Variants in PPEF2 observed in about 807,000 individuals in gnomAD.
The protein encoded by PPEF2 is serine/threonine-protein phosphatase with EF-hands 2.
In PPEF2, 84 loss-of-function variants were observed where a neutral mutation model predicts 84.7. The ratio of observed to expected loss-of-function variants is 0.99; its 90% CI spans 0.83 to 1.19. The LOEUF is 1.19. PPEF2 is among the 50% of genes most tolerant of loss of function. The pLI, the probability that PPEF2 is intolerant of heterozygous loss-of-function variation, is 0.00. For missense variants in PPEF2, 924 were observed against 937.5 expected (o/e 0.99, Z 0.19); for synonymous variants, 346 against 345.2 (o/e 1.00, Z -0.03).
chr4:75,890,760 T>C (rs372733755), intron 4 of PPEF2, among the ~76,000 whole-genome samples: 2 of 152,164 alleles, frequency 1.3e-5, no homozygotes, highest in African/African-American at 4.8e-5. Flanking sequence ...TTATGTTGCA[T>C]TTAGTGAGCG....
At chr4:75,866,038 C>G in intron 15 of PPEF2, 151 bp downstream of exon 15, 1 of 901,924 alleles carries the variant, frequency 1.1e-6, no homozygotes, top group Non-Finnish European at 1.6e-6. Flanking sequence ...AACACAAAAG[C>G]CTGACACATA....
At chr4:75,875,132 C>G (rs993957119) in intron 11 of PPEF2, among the ~76,000 whole-genome samples, 1 of 151,892 alleles carries the variant, frequency 6.6e-6, no homozygotes, top group Non-Finnish European at 1.5e-5. Flanking sequence ...GTCTCTATCT[C>G]CTGACCTCGT....
intron 13 of PPEF2, among the ~76,000 whole-genome samples, chr4:75,871,431 C>T (rs1724275134): frequency 6.6e-6 from 1 of 151,988 alleles, no homozygotes; most frequent in African/African-American, 2.4e-5. Flanking sequence ...GCAGACTTTA[C>T]CCAAGACGCA....
intron 12 of PPEF2, among the ~76,000 whole-genome samples, chr4:75,872,598 T>C (rs1270121586): frequency 2.0e-5 from 3 of 152,198 alleles, no homozygotes; most frequent in South Asian, 2.1e-4. Flanking sequence ...ATGAAAAAAG[T>C]TTTCACAGTC....
At chr4:75,861,912 G>A (rs575245192) in intron 16 of PPEF2, among the ~76,000 whole-genome samples, 14 of 150,474 alleles carry the variant, frequency 9.3e-5, no homozygotes, top group Non-Finnish European at 2.1e-4. Flanking sequence ...ACTAGCCTAT[G>A]CAACAGTTTT....
At position 75,890,070 on chromosome 4, in the gene PPEF2, A is replaced by C. The variant is rs144239293; in HGVS notation, c.304T>G (p.Cys102Gly). Residue 102 changes from cysteine to glycine, a missense_variant, in exon 5 of 17, where the codon TGC becomes GGC. By Grantham distance (159) the Cys-to-Gly change is radical. Transcript: ENST00000286719. ...RFAQDSEMKK[C>G]SDYESIEVPD... Reference sequence around the variant, plus strand: ...ACCTCTATGGATTCATAGTCACTGCATTTCTTCATCTCGGAGTCCTGGGCG... The same window carrying C: ...ACCTCTATGGATTCATAGTCACTGCCTTTCTTCATCTCGGAGTCCTGGGCG... The C allele has an allele frequency of 2.5e-6, 4 of 1,613,810 alleles. No homozygotes were observed. In the South Asian group the frequency reaches 3.3e-5, roughly 13 times the overall value.
intron 4 of PPEF2, among the ~76,000 whole-genome samples, chr4:75,890,505 A>AAAAAAAG (rs1724852572): frequency 7.1e-6 from 1 of 141,052 alleles, no homozygotes; most frequent in Non-Finnish European, 1.6e-5. Flanking sequence ...AAAAAAAAAA[A>AAAAAAAG]GTCCTTCCCT....
At chr4:75,884,478 A>T (rs1474912998) in intron 8 of PPEF2, 116 bp downstream of exon 8, 73 of 1,254,296 alleles carry the variant, frequency 5.8e-5, no homozygotes, top group Middle Eastern at 5.7e-4. Flanking sequence ...TCTGCTTTTT[A>T]AAAAAATTGG....
chr4:75,897,324 C>T (rs1004254624), intron 1 of PPEF2, among the ~76,000 whole-genome samples: 3 of 152,182 alleles, frequency 2.0e-5, no homozygotes, highest in Non-Finnish European at 2.9e-5. Context: ...ATCTGTTGAT[C>T]TCACGTGGTA....
intron 16 of PPEF2, among the ~76,000 whole-genome samples, chr4:75,861,614 G>GTTTTTTTTTTTTTTTT (rs71210216): frequency 0.019 from 1,645 of 85,284 alleles, 153 homozygotes; most frequent in East Asian, 0.1. Flanking sequence ...TTATGCAACA[G>GTTTTTTTTTTTTTTTT]TTTTTTTTTT....
chr4:75,876,824 G>A, intron 10 of PPEF2, 151 bp from the exon 11 acceptor site: 1 of 778,744 alleles, frequency 1.3e-6, no homozygotes. Context: ...TGAGCAACAT[G>A]GCAAGACCGT....
intron 1 of PPEF2, among the ~76,000 whole-genome samples, chr4:75,897,029 A>G (rs1328330258): frequency 6.6e-6 from 1 of 151,840 alleles, no homozygotes; most frequent in Admixed American, 6.6e-5. Context: ...TTGTTTTTGC[A>G]TTTTTAGTAG....
chr4:75,896,452 G>T (rs1307331652), intron 1 of PPEF2, 69 bp from the exon 2 acceptor site: 1 of 961,272 alleles, frequency 1.0e-6, no homozygotes, highest in Non-Finnish European at 1.7e-6. Flanking sequence ...GGGCCAAATT[G>T]TCTATGAATC....
intron 14 of PPEF2, 146 bp from the exon 15 acceptor site, chr4:75,866,498 CAG>C: frequency 9.5e-7 from 1 of 1,054,154 alleles, no homozygotes. Context: ...TTGATAGTAG[CAG>C]AGTTGGCTGG....
chr4:75,861,044 C>G, intron 16 of PPEF2, 124 bp from the exon 17 acceptor site: 1 of 1,132,244 alleles, frequency 8.8e-7, no homozygotes, highest in Non-Finnish European at 1.3e-6. Flanking sequence ...ATCCTAGTAT[C>G]TAATTTAAAC....
chr4:75,861,051 A>G, intron 16 of PPEF2, 131 bp from the exon 17 acceptor site: 1 of 1,112,802 alleles, frequency 9.0e-7, no homozygotes, highest in Non-Finnish European at 1.3e-6. Flanking sequence ...TATCTAATTT[A>G]AACTCCCAAG....
chr4:75,880,779 T>G (rs1348011598), intron 10 of PPEF2, among the ~76,000 whole-genome samples: 3 of 150,508 alleles, frequency 2.0e-5, no homozygotes, highest in African/African-American at 7.3e-5. Context: ...CTGGGCAACA[T>G]AGTGAGACCC....
At chr4:75,889,205 CTG>C (rs1029343324) in intron 5 of PPEF2, 3 of 152,378 alleles carry the variant, frequency 2.0e-5, no homozygotes, top group Admixed American at 6.5e-5. Context: ...GAGCGAGACT[CTG>C]TCTCAAAAAA....
At chr4:75,895,127 ATTTT>A (rs34515110) in intron 2 of PPEF2, among the ~76,000 whole-genome samples, 15 of 129,258 alleles carry the variant, frequency 1.2e-4, no homozygotes, top group Non-Finnish European at 1.8e-4. Context: ...CAGCTAATTA[ATTTT>A]TTTTTTTTTT....
Sources: gnomAD v4.1 joint callset for allele counts (sites outside exome capture counted in the v4.1 genomes callset) on GRCh38, gnomAD v4.1.1 for gene constraint, MANE v1.5 for transcripts, NCBI Gene and HGNC (gene_info 2026-07-23, HGNC 2026-07-21) for gene names.